ZNF567: variants seen among roughly 807,000 people sequenced by gnomAD.
ZNF567 encodes zinc finger protein 567.
A neutral mutation model predicts 53.9 loss-of-function variants in ZNF567; 36 were observed. The observed-to-expected ratio is 0.67, with a 90% CI of 0.51 to 0.88. The LOEUF (loss-of-function observed/expected upper bound fraction) is 0.88. ZNF567 is among the 40% of genes least tolerant of loss of function. The probability of loss-of-function intolerance (pLI) is 0.00; values close to 1 mark genes in which losing one functional copy is unlikely to be tolerated. For synonymous variants in ZNF567, 224 were observed against 260.4 expected, an observed-to-expected ratio of 0.86 and a Z score of 1.35; for missense variants, 619 against 764.7, an observed-to-expected ratio of 0.81 and a Z score of 2.25.
the ZNF567 span, among the ~76,000 whole-genome samples, chr19:36,671,678 GCAAAGCC>G: frequency 6.6e-6 from 1 of 152,276 alleles, no homozygotes; most frequent in East Asian, 1.9e-4. Context: ...GGATTTTGGA[GCAAAGCC>G]CTATCTTCCT....
the ZNF567 span, among the ~76,000 whole-genome samples, chr19:36,675,650 G>A: frequency 5.3e-5 from 8 of 152,210 alleles, no homozygotes; most frequent in African/African-American, 1.4e-4. Flanking sequence ...TCCAGCCTGG[G>A]TGACAGAGCG....
chr19:36,722,417 T>C (rs1326331593), downstream of ZNF567, among the ~76,000 whole-genome samples: 4 of 152,130 alleles, frequency 2.6e-5, no homozygotes, highest in Admixed American at 1.3e-4. Context: ...TTCTCCTACC[T>C]CAGCCTCCCA....
At position 36,712,798 on chromosome 19, in the gene ZNF567, C is replaced by T. The variant is rs1246261987; in HGVS notation, c.154C>T (p.Pro52Ser). 5 of 1,613,836 alleles carry T rather than the reference C, an allele frequency of 3.1e-6. No homozygotes were observed. In the African/African-American group the frequency reaches 6.7e-5, roughly 22 times the overall value. ...LISVGCHMTK[P>S]DVILKLERGE... Reference sequence around the variant, plus strand: ...CTTTTCAGGGTGTCACATGACCAAACCTGATGTGATCCTCAAGTTGGAACG... The same window carrying T: ...CTTTTCAGGGTGTCACATGACCAAATCTGATGTGATCCTCAAGTTGGAACG... Residue 52 changes from proline (P) to serine (S), a missense_variant, in exon 5 of 6, where the codon CCT becomes TCT. Coordinates refer to ENST00000682579, the MANE Select transcript of ZNF567 (RefSeq NM_001322917.1).
the ZNF567 span, among the ~76,000 whole-genome samples, chr19:36,671,090 A>G: frequency 2.0e-5 from 3 of 152,242 alleles, no homozygotes. Flanking sequence ...CGACAGAGCA[A>G]GACTCCGTCT....
At chr19:36,721,420 G>A (rs2145930262), downstream of ZNF567, 1 of 152,166 alleles carries the variant, frequency 6.6e-6, no homozygotes, top group African/African-American at 2.4e-5. Context: ...TATATATGAG[G>A]TTTTTTTGGT....
At chr19:36,697,942 A>G (rs1264252888) in intron 3 of ZNF567, among the ~76,000 whole-genome samples, 1 of 134,456 alleles carries the variant, frequency 7.4e-6, no homozygotes, top group African/African-American at 2.8e-5. Flanking sequence ...TTTTTATTAT[A>G]CTTTAAGTTT....
At chr19:36,677,671 G>T in the ZNF567 span, among the ~76,000 whole-genome samples, 9 of 151,876 alleles carry the variant, frequency 5.9e-5, no homozygotes, top group African/African-American at 2.2e-4. Context: ...GGAGGCTGAG[G>T]CAGAAGAATC....
chr19:36,695,488 T>C (rs1382522396), intron 3 of ZNF567, among the ~76,000 whole-genome samples: 3 of 152,000 alleles, frequency 2.0e-5, no homozygotes, highest in Non-Finnish European at 4.4e-5. Flanking sequence ...AAGATTACGC[T>C]GCTGCACTCC....
rs1427022391 is a variant in ZNF567, at chr19:36,717,846, C to T, written c.224-1102C>T. On this transcript the variant is annotated intron_variant, in intron 5 of 5. Coordinates refer to ENST00000682579, the MANE Select transcript of ZNF567 (RefSeq NM_001322917.1). ...AAACTGGAATAAAGGAATGTTACTG[C>T]ATTGGGGAAGGATGTAAGCCAGTCT... Among the ~76,000 whole-genome samples, 4 of 152,220 alleles carry T rather than the reference C, an allele frequency of 2.6e-5. 1 individual carries two copies. Among genetic ancestry groups the T allele is most frequent in the Admixed American group, 2.0e-4 (3 of 15,290 alleles).
the ZNF567 span, among the ~76,000 whole-genome samples, chr19:36,667,678 G>A: frequency 6.9e-6 from 1 of 144,344 alleles, no homozygotes; most frequent in Non-Finnish European, 1.5e-5. Flanking sequence ...TTGAGACGGA[G>A]TCTCGCTGTC....
At chr19:36,708,822 C>T (rs1281052130) in intron 3 of ZNF567, among the ~76,000 whole-genome samples, 2 of 152,166 alleles carry the variant, frequency 1.3e-5, no homozygotes, top group African/African-American at 4.8e-5. Flanking sequence ...TTCCTACATT[C>T]TGTTGTATTT....
chr19:36,705,318 A>G (rs1295198043), intron 3 of ZNF567, among the ~76,000 whole-genome samples: 4 of 152,182 alleles, frequency 2.6e-5, no homozygotes, highest in Non-Finnish European at 5.9e-5. Context: ...TTCTAATAGA[A>G]GCTTTAAATG....
At chr19:36,682,457 CTA>C in the ZNF567 span, among the ~76,000 whole-genome samples, 1 of 151,506 alleles carries the variant, frequency 6.6e-6, no homozygotes, top group African/African-American at 2.4e-5. Flanking sequence ...CCAAACCAAA[CTA>C]TTCTATTATA....
the ZNF567 span, among the ~76,000 whole-genome samples, chr19:36,681,752 T>A: frequency 2.6e-5 from 4 of 151,702 alleles, no homozygotes; most frequent in Non-Finnish European, 5.9e-5. Context: ...TTTTTTTTTT[T>A]AATTGGGAAT....
At chr19:36,711,271 A>T (rs1437631834) in intron 3 of ZNF567, 3 of 152,206 alleles carry the variant, frequency 2.0e-5, no homozygotes, top group Non-Finnish European at 4.4e-5. Flanking sequence ...GGGTCTTGCC[A>T]TGTTAGCTGG....
chr19:36,715,503 AATAATAATTATTATTATT>A (rs1456325827), intron 5 of ZNF567, among the ~76,000 whole-genome samples: 2,005 of 30,656 alleles, frequency 0.065, 26 homozygotes, highest in East Asian at 0.23. Flanking sequence ...TAATAATAAT[AATAATAATTATTATTATT>A]ATTATTATTA....
At position 36,721,175 on chromosome 19, in the gene ZNF567, A is replaced by G. The variant is rs1023993173; in HGVS notation, c.*507A>G. ...TTTTGTGTCTTGCTTATTTCACTCA[A>G]TTTTTTAAGATCTGTACATTATTGC... On this transcript the variant is annotated 3_prime_UTR_variant, in exon 6 of 6. Coordinates refer to ENST00000682579, the MANE Select transcript of ZNF567 (RefSeq NM_001322917.1). The G allele has an allele frequency of 6.6e-6, 1 of 152,096 alleles. No individual in the cohort carries two copies. Among genetic ancestry groups the G allele is most frequent in the Non-Finnish European group, 1.5e-5 (1 of 68,036 alleles). The allele number at this position is 152,096 out of a possible 1,614,324, so 9.4% of individuals were successfully genotyped here.
intron 3 of ZNF567, among the ~76,000 whole-genome samples, chr19:36,696,353 T>C (rs935329063): frequency 1.3e-5 from 2 of 152,222 alleles, no homozygotes; most frequent in Admixed American, 1.3e-4. Flanking sequence ...ATTATTCTAA[T>C]GCTGCTCAAG....
chr19:36,678,747 G>A, the ZNF567 span, among the ~76,000 whole-genome samples: 1 of 151,970 alleles, frequency 6.6e-6, no homozygotes, highest in African/African-American at 2.4e-5. Context: ...AGGAGGCTGA[G>A]GCAGGAGAAT....
Sources: gnomAD v4.1 joint callset for allele counts (sites outside exome capture counted in the v4.1 genomes callset) on GRCh38, gnomAD v4.1.1 for gene constraint, MANE v1.5 for transcripts, NCBI Gene and HGNC (gene_info 2026-07-23, HGNC 2026-07-21) for gene names.